Variants in EHMT1 observed in about 807,000 individuals in gnomAD.
The protein encoded by EHMT1 is histone-lysine N-methyltransferase EHMT1.
Under a neutral mutation model 147.2 loss-of-function variants are expected in EHMT1, and 15 were observed. That is an observed-to-expected ratio of 0.10 (90% CI 0.07 to 0.16). The LOEUF is 0.16. Among genes scored for constraint, EHMT1 ranks in the 10% least tolerant of loss-of-function variants. The pLI is 1.00. For missense variants in EHMT1, 1,587 were observed against 1,772.4 expected (o/e 0.90, Z 1.88); for synonymous variants, 795 against 709.6 (o/e 1.12, Z -1.91).
intron 4 of EHMT1, among the ~76,000 whole-genome samples, chr9:137,738,187 C>T (rs1200590948): frequency 6.7e-6 from 1 of 150,146 alleles, no homozygotes; most frequent in Non-Finnish European, 1.5e-5. Context: ...GAGTGAGACT[C>T]TGTCTCAAAA....
chr9:137,781,668 C>T (rs1951567982), intron 14 of EHMT1, among the ~76,000 whole-genome samples: 1 of 152,186 alleles, frequency 6.6e-6, no homozygotes, highest in Non-Finnish European at 1.5e-5. Context: ...GAGCTCATAG[C>T]TTTAGGCTTG....
chr9:137,823,477 T>A, intron 25 of EHMT1: 1 of 346,228 alleles, frequency 2.9e-6, no homozygotes, highest in Non-Finnish European at 5.6e-6. Flanking sequence ...AGTGACACAA[T>A]CTCGGCTCAC....
chr9:137,665,291 C>G (rs183298155), intron 1 of EHMT1, among the ~76,000 whole-genome samples: 141 of 152,254 alleles, frequency 9.3e-4, no homozygotes, highest in Admixed American at 1.8e-3. Flanking sequence ...TGTATAAGGG[C>G]CTCTCCCTGT....
chr9:137,780,468 T>C (rs1951336165), intron 14 of EHMT1, among the ~76,000 whole-genome samples: 1 of 125,836 alleles, frequency 7.9e-6, no homozygotes, highest in Non-Finnish European at 1.6e-5. Context: ...AGATGTGTGG[T>C]GATGACGCTG....
At chr9:137,649,618 G>A (rs1054776527) in intron 1 of EHMT1, among the ~76,000 whole-genome samples, 5 of 152,194 alleles carry the variant, frequency 3.3e-5, no homozygotes, top group Non-Finnish European at 7.3e-5. Flanking sequence ...GTGGGCCCTA[G>A]ATTTAGTGAC....
chr9:137,677,176 C>T (rs1448409481), intron 1 of EHMT1, among the ~76,000 whole-genome samples: 1 of 152,094 alleles, frequency 6.6e-6, no homozygotes, highest in African/African-American at 2.4e-5. Context: ...CTCTGTCGCC[C>T]AGGCTGGATT....
At chr9:137,819,618 A>AGGG (rs1955230782) in intron 25 of EHMT1, among the ~76,000 whole-genome samples, 3 of 106,930 alleles carry the variant, frequency 2.8e-5, no homozygotes, top group Non-Finnish European at 5.4e-5. Flanking sequence ...AGGCCGATTG[A>AGGG]GGGGCGCCGT....
At chr9:137,812,982 G>C (rs1207504305) in intron 19 of EHMT1, 24 bp from the exon 20 acceptor site, 7 of 1,613,524 alleles carry the variant, frequency 4.3e-6, no homozygotes, top group Non-Finnish European at 5.9e-6. Flanking sequence ...TAAATGTTTT[G>C]TGGCCTTACA....
At chr9:137,733,513 G>A (rs768862636) in intron 4 of EHMT1, among the ~76,000 whole-genome samples, 1 of 152,174 alleles carries the variant, frequency 6.6e-6, no homozygotes, top group Non-Finnish European at 1.5e-5. Flanking sequence ...ACTTCTAGGC[G>A]GGAAGCTGGG....
intron 9 of EHMT1, among the ~76,000 whole-genome samples, chr9:137,760,152 C>T (rs528956948): frequency 7.8e-4 from 119 of 152,246 alleles, no homozygotes; most frequent in African/African-American, 2.7e-3. Context: ...AGAGGCAGAG[C>T]TTGGCGGAGG....
chr9:137,766,829 CTTTAT>C (rs1458437492), intron 10 of EHMT1, among the ~76,000 whole-genome samples: 1 of 151,936 alleles, frequency 6.6e-6, no homozygotes, highest in Non-Finnish European at 1.5e-5. Context: ...AAAAATTTTG[CTTTAT>C]TTTATTTTTC....
At chr9:137,803,397 C>T in intron 18 of EHMT1, 1 of 717,806 alleles carries the variant, frequency 1.4e-6, no homozygotes, top group Non-Finnish European at 1.7e-6. Context: ...ACCCCTGCCA[C>T]CCATTGCTGG....
intron 3 of EHMT1, among the ~76,000 whole-genome samples, chr9:137,720,152 A>G (rs9410121): frequency 0.033 from 3,768 of 112,536 alleles, 54 homozygotes; most frequent in Middle Eastern, 0.096. Context: ...CCACACCAGG[A>G]CACAGTCGAG....
chr9:137,669,425 C>T (rs1940208606), intron 1 of EHMT1, among the ~76,000 whole-genome samples: 1 of 149,570 alleles, frequency 6.7e-6, no homozygotes, highest in Non-Finnish European at 1.5e-5. Context: ...CACGACTGCA[C>T]CCAAGACGCC....
chr9:137,728,655 G>C (rs1328166908), intron 4 of EHMT1, 126 bp downstream of exon 4: 1 of 1,340,876 alleles, frequency 7.5e-7, no homozygotes, highest in Admixed American at 1.9e-5. Context: ...GTTGACGTCA[G>C]CTGGCCCTCC....
chr9:137,731,068 C>T lies in EHMT1; in HGVS notation c.823+2539C>T, dbSNP rs1012783828. On this transcript the variant is annotated intron_variant, in intron 4 of 26. Transcript: ENST00000460843. The surrounding 1 kb of genome is among the most constrained non-coding windows in gnomAD (Gnocchi z 4.3). ...TTTTCCTATTTTAGCTTTATTATAT[C>T]GCCATCTTTTAAAAAGAGCTTTCTA... is the stretch of plus-strand genomic sequence containing the variant. Among the ~76,000 whole-genome samples the T allele has an allele frequency of 1.1e-4, 16 of 152,184 alleles. No individual in the cohort carries two copies. Among genetic ancestry groups the T allele is most frequent in the South Asian group, 2.1e-4 (1 of 4,830 alleles).
chr9:137,750,002 TTCTGTA>T (rs1467064924), intron 6 of EHMT1, among the ~76,000 whole-genome samples: 1 of 152,210 alleles, frequency 6.6e-6, no homozygotes, highest in Non-Finnish European at 1.5e-5. Context: ...TTCCTGCTGA[TTCTGTA>T]AGAGAAGAAC....
At chr9:137,777,767 G>A in intron 12 of EHMT1, 115 bp from the exon 13 acceptor site, 1 of 1,455,510 alleles carries the variant, frequency 6.9e-7, no homozygotes, top group East Asian at 2.3e-5. Context: ...GGACTAAGCG[G>A]ACAGTAAGCA....
intron 1 of EHMT1, among the ~76,000 whole-genome samples, chr9:137,710,202 T>C (rs1944577943): frequency 6.6e-6 from 1 of 150,668 alleles, no homozygotes; most frequent in South Asian, 2.1e-4. Context: ...CCAAGTGCAG[T>C]GGCTCACACC....
Sources: gnomAD v4.1 joint callset for allele counts (sites outside exome capture counted in the v4.1 genomes callset) on GRCh38, gnomAD v4.1.1 for gene constraint, Gnocchi (gnomAD v3.1) non-coding constraint, MANE v1.5 for transcripts, NCBI Gene and HGNC (gene_info 2026-07-23, HGNC 2026-07-21) for gene names.